RBPJ: variants seen among roughly 807,000 people sequenced by gnomAD.
RBPJ encodes recombination signal binding protein for immunoglobulin kappa J region, also known as recombining binding protein suppressor of hairless.
RBPJ carries 9 observed loss-of-function variants against 67.8 expected under a neutral mutation model. The observed-to-expected ratio is 0.13, with a 90% CI of 0.08 to 0.23. RBPJ has a LOEUF of 0.23. Ranked by LOEUF, RBPJ falls within the 10% of genes least tolerant of loss-of-function variation. The probability of loss-of-function intolerance (pLI) is 1.00; values close to 1 mark genes in which losing one functional copy is unlikely to be tolerated. For synonymous variants in RBPJ, 198 were observed against 203.3 expected (o/e 0.97, Z 0.22); for missense variants, 305 against 595.6 (o/e 0.51, Z 5.08).
intron 1 of RBPJ, among the ~76,000 whole-genome samples, chr4:26,214,732 AGGG>A (rs1386350629): frequency 3.8e-5 from 5 of 130,242 alleles, no homozygotes; most frequent in Non-Finnish European, 8.2e-5. Flanking sequence ...AGAAAGAAAG[AGGG>A]AAGAGAGAGA....
rs1271312428 is a variant in RBPJ, at chr4:26,258,436, T to G, written c.-167+94822T>G. ...ATGTACTGGTGCATCTAGTACATTG[T>G]GCAGAGCTCTCATCAGTCCATCTCA... On this transcript the variant is annotated intron_variant, in intron 1 of 4. Transcript: ENST00000512351. 2.6e-5 allele frequency among the ~76,000 whole-genome samples: 4 copies of G among 152,350 alleles called. No homozygotes were observed. In the East Asian group the frequency reaches 7.7e-4, roughly 29 times the overall value.
chr4:26,134,436 G>A, the RBPJ span, among the ~76,000 whole-genome samples: 2 of 152,226 alleles, frequency 1.3e-5, no homozygotes, highest in Non-Finnish European at 2.9e-5. Context: ...CCCCGTGCAA[G>A]TGCTCCAGTC....
chr4:26,242,901 G>A (rs758317858), intron 1 of RBPJ, among the ~76,000 whole-genome samples: 76 of 152,224 alleles, frequency 5.0e-4, no homozygotes, highest in Admixed American at 1.4e-3. Context: ...TTGAGGAAAA[G>A]TACTTTTGCA....
chr4:26,346,585 T>G (rs1009167331), intron 1 of RBPJ, among the ~76,000 whole-genome samples: 1 of 152,144 alleles, frequency 6.6e-6, no homozygotes, highest in African/African-American at 2.4e-5. Flanking sequence ...GAAAGGAAAA[T>G]GATTTGGGGC....
chr4:26,228,397 A>T (rs1456363138), intron 1 of RBPJ, among the ~76,000 whole-genome samples: 1 of 152,182 alleles, frequency 6.6e-6, no homozygotes, highest in Non-Finnish European at 1.5e-5. Flanking sequence ...TAGACACACA[A>T]GGCATGTATC....
intron 1 of RBPJ, among the ~76,000 whole-genome samples, chr4:26,309,017 T>G (rs1160249994): frequency 1.3e-5 from 2 of 151,954 alleles, no homozygotes; most frequent in African/African-American, 4.8e-5. Context: ...CAATTTATTA[T>G]CCACATAATT....
chr4:26,341,506 C>T (rs544637480), intron 1 of RBPJ, among the ~76,000 whole-genome samples: 5 of 152,052 alleles, frequency 3.3e-5, no homozygotes, highest in South Asian at 4.2e-4. Context: ...CTGAGCTACA[C>T]GAGAGGCTGA....
chr4:26,386,412 CT>C, intron 2 of RBPJ, 21 bp downstream of exon 2: 3 of 1,522,918 alleles, frequency 2.0e-6, no homozygotes, highest in Non-Finnish European at 2.7e-6. Flanking sequence ...TATTAGTCAG[CT>C]TTTTACACAT....
the RBPJ span, chr4:26,113,671 G>A: frequency 1.1e-5 from 3 of 269,838 alleles, no homozygotes; most frequent in South Asian, 5.1e-5. Flanking sequence ...CATGTCATGA[G>A]TGTGGAAAAT....
Position 26,226,582 on chromosome 4 carries a change from C to T in RBPJ, c.-167+62968C>T, listed in dbSNP as rs146884801. Among the ~76,000 whole-genome samples the T allele has an allele frequency of 1.3e-4, 20 of 152,290 alleles. No individual in the cohort carries two copies. In the East Asian group the frequency reaches 3.9e-3, roughly 29 times the overall value. ...GTTCTAAAATGGGGAAATTAAGGCT[C>T]ATCTGGCTTTGTGATGATCATCTAC... is the stretch of plus-strand genomic sequence containing the variant. On this transcript the variant is annotated intron_variant, in intron 1 of 4. Transcript: ENST00000512351.
upstream of RBPJ, chr4:26,320,711 GT>G (rs2109319839): frequency 1.9e-6 from 3 of 1,542,190 alleles, no homozygotes; most frequent in African/African-American, 2.7e-5. Context: ...CTCCACGTAC[GT>G]CCCTCAAAGC....
the RBPJ span, among the ~76,000 whole-genome samples, chr4:26,153,965 A>G: frequency 3.6e-3 from 548 of 152,162 alleles, 6 homozygotes; most frequent in African/African-American, 0.012. Context: ...AAAGTTTCAG[A>G]TTTTGGAACA....
intron 1 of RBPJ, among the ~76,000 whole-genome samples, chr4:26,212,405 T>C (rs886738731): frequency 2.0e-5 from 3 of 150,528 alleles, no homozygotes; most frequent in African/African-American, 7.3e-5. Flanking sequence ...CCCTTTCTCA[T>C]CTTCTCCTGC....
chr4:26,226,080 T>G (rs1719064671), intron 1 of RBPJ, among the ~76,000 whole-genome samples: 1 of 143,358 alleles, frequency 7.0e-6, no homozygotes, highest in Non-Finnish European at 1.5e-5. Context: ...ACCTGGGAGG[T>G]GGAGGTTGCA....
At chr4:26,249,935 G>A (rs372936133) in intron 1 of RBPJ, among the ~76,000 whole-genome samples, 1 of 151,410 alleles carries the variant, frequency 6.6e-6, no homozygotes. Flanking sequence ...ACAGGCATCT[G>A]CCACCATGCC....
chr4:26,393,131 G>A (rs1413268992), intron 2 of RBPJ, among the ~76,000 whole-genome samples: 2 of 152,124 alleles, frequency 1.3e-5, no homozygotes, highest in African/African-American at 2.4e-5. Context: ...ACAGGTGTGA[G>A]CCACCACGCC....
intron 1 of RBPJ, among the ~76,000 whole-genome samples, chr4:26,343,651 G>A (rs1335458953): frequency 6.7e-6 from 1 of 149,962 alleles, no homozygotes; most frequent in African/African-American, 2.5e-5. Flanking sequence ...GGGTTCAAAC[G>A]ATTCTTGTGC....
At chr4:26,196,445 G>A (rs975377095) in intron 1 of RBPJ, among the ~76,000 whole-genome samples, 4 of 152,204 alleles carry the variant, frequency 2.6e-5, no homozygotes, top group African/African-American at 9.7e-5. Context: ...GGAGGAGCAG[G>A]TGTGACTGCT....
chr4:26,252,362 G>A (rs935719926), intron 1 of RBPJ, among the ~76,000 whole-genome samples: 2 of 152,076 alleles, frequency 1.3e-5, no homozygotes, highest in Admixed American at 6.5e-5. Flanking sequence ...TTGGGAGGCC[G>A]AGGTGGACAG....
Sources: allele counts gnomAD v4.1 joint callset (sites outside exome capture counted in the v4.1 genomes callset), GRCh38; gene constraint gnomAD v4.1.1; transcripts MANE v1.5; gene names NCBI Gene and HGNC (gene_info 2026-07-23, HGNC 2026-07-21).